Variants in HELZ observed in about 807,000 individuals in gnomAD.
HELZ encodes the protein ATP-dependent RNA helicase with zinc finger domain.
In HELZ, 23 loss-of-function variants were observed where a neutral mutation model predicts 218.2. That is an observed-to-expected ratio of 0.11 (90% CI 0.08 to 0.15). HELZ has a LOEUF of 0.15. HELZ is among the 10% of genes least tolerant of loss of function. HELZ has a pLI of 1.00. For synonymous variants in HELZ, 814 were observed against 829.4 expected, an observed-to-expected ratio of 0.98 and a Z score of 0.32; for missense variants, 1,813 against 2,353.7, an observed-to-expected ratio of 0.77 and a Z score of 4.75.
chr17:67,196,132 G>A (rs528309602), intron 7 of HELZ, among the ~76,000 whole-genome samples: 2 of 152,176 alleles, frequency 1.3e-5, no homozygotes, highest in South Asian at 2.1e-4. Flanking sequence ...AATTATAGGC[G>A]TGAGCCACCA....
chr17:67,136,608 CAGCCTTA>C (rs2038159583), intron 22 of HELZ, among the ~76,000 whole-genome samples: 1 of 152,164 alleles, frequency 6.6e-6, no homozygotes. Flanking sequence ...ATAGATTATT[CAGCCTTA>C]TAAAGGCATG....
chr17:67,220,354 G>A (rs889065671), intron 3 of HELZ, among the ~76,000 whole-genome samples: 4 of 152,202 alleles, frequency 2.6e-5, no homozygotes, highest in African/African-American at 9.6e-5. Context: ...AGTAGAAATA[G>A]CTAGGGAATG....
At chr17:67,138,225 T>TTAAA in intron 21 of HELZ, 111 bp from the exon 22 acceptor site, 2 of 541,522 alleles carry the variant, frequency 3.7e-6, no homozygotes, top group Non-Finnish European at 5.6e-6. Context: ...AGATGTCATT[T>TTAAA]AAAAAAAAAA....
intron 21 of HELZ, among the ~76,000 whole-genome samples, chr17:67,139,892 A>C: frequency 6.6e-6 from 1 of 152,194 alleles, no homozygotes; most frequent in East Asian, 1.9e-4. Context: ...GCCTATGATA[A>C]GCAGTTGGTA....
chr17:67,092,539 G>A (rs533590608), intron 31 of HELZ, among the ~76,000 whole-genome samples: 2 of 152,264 alleles, frequency 1.3e-5, no homozygotes, highest in East Asian at 1.9e-4. Context: ...AAGATAAGGA[G>A]ACAGACAAGC....
Position 67,075,649 on chromosome 17 carries a change from A to C in HELZ, c.*2603T>G, listed in dbSNP as rs183062728. The C allele has an allele frequency of 2.4e-4, 36 of 152,348 alleles. No homozygotes were observed. Among genetic ancestry groups the C allele is most frequent in the African/African-American group, 7.9e-4 (33 of 41,574 alleles). 9.4% of individuals were successfully genotyped at this position (152,348 alleles called of 1,614,324 possible). ...ATGTTATAAGATACTATGCGTAAAG[A>C]GCAGGTTCTTTAAAGCATGGTTGGA... On this transcript the variant is annotated 3_prime_UTR_variant, in exon 33 of 33. Transcript: ENST00000358691.
chr17:67,089,696 G>GAGAGAGAGAGAGAGAC lies in HELZ; in HGVS notation c.5242-2616_5242-2615insGTCTCTCTCTCTCTCT, dbSNP rs34752223. Among the ~76,000 whole-genome samples, 955 of 121,874 alleles carry GAGAGAGAGAGAGAGAC rather than the reference G, an allele frequency of 7.8e-3. 7 individuals carry two copies. Among genetic ancestry groups the GAGAGAGAGAGAGAGAC allele is most frequent in the East Asian group, 0.013 (53 of 4,168 alleles). The allele number at this position is 121,874 out of a possible 152,430, so 80.0% of individuals were successfully genotyped here. On this transcript the variant is annotated intron_variant, in intron 31 of 32. Transcript: ENST00000358691. Reference sequence around the variant, plus strand: ...AGAGAGAGAGAGAGAGAGAGAGAGAGAGAGACAGAGAGACAGAGAGAGAGA... The same window carrying GAGAGAGAGAGAGAGAC: ...AGAGAGAGAGAGAGAGAGAGAGAGAGAGAGAGAGAGAGAGACAGAGACAGAGAGACAGAGAGAGAGA...
chr17:67,163,036 T>A (rs144184544), intron 15 of HELZ, among the ~76,000 whole-genome samples: 10 of 152,326 alleles, frequency 6.6e-5, no homozygotes, highest in Non-Finnish European at 1.3e-4. Flanking sequence ...TGTGATTCTA[T>A]GATACCTGCC....
At chr17:67,087,132 T>C (rs1289367421) in intron 31 of HELZ, 51 bp from the exon 32 acceptor site, 1 of 1,569,190 alleles carries the variant, frequency 6.4e-7, no homozygotes. Context: ...TGTGCCATAG[T>C]CCTCTCTCTT....
intron 28 of HELZ, among the ~76,000 whole-genome samples, chr17:67,112,460 CACCACTTCCCAAACACGT>C (rs1299064972): frequency 6.6e-6 from 1 of 152,192 alleles, no homozygotes; most frequent in African/African-American, 2.4e-5. Context: ...TCTCTCTCTG[CACCACTTCCCAAACACGT>C]ACCACTTCAG....
Position 67,188,520 on chromosome 17 carries a change from C to G in HELZ, c.961G>C (p.Val321Leu), listed in dbSNP as rs751482604. Residue 321 changes from valine (V) to leucine (L), a missense_variant, in exon 12 of 33, where the codon GTA becomes CTA. Physicochemically the swap from Val to Leu is conservative, Grantham distance 32. Coordinates refer to ENST00000358691, the MANE Select transcript of HELZ (RefSeq NM_014877.4). The surrounding 1 kb of genome is among the most constrained non-coding windows in gnomAD (Gnocchi z 4.1). ...CAGTTTTCTGGGACTTCTTGTGATA[C>G]CTGGGTAGTACTATCTCCGGCAGAT... ...AISAGDSTTQ[V>L]SQEVPENCQE... 6.2e-7 allele frequency: 1 copy of G among 1,613,866 alleles called. No homozygotes were observed. The highest frequency in any genetic ancestry group is 8.5e-7 in the Non-Finnish European group (1 of 1,179,810).
At chr17:67,234,495 C>T (rs1180806981) in intron 3 of HELZ, among the ~76,000 whole-genome samples, 1 of 151,754 alleles carries the variant, frequency 6.6e-6, no homozygotes, top group African/African-American at 2.4e-5. Context: ...ACTAAAGGCC[C>T]TGTCTCTCAG....
chr17:67,212,791 A>C (rs1355558109), intron 5 of HELZ, among the ~76,000 whole-genome samples: 5 of 152,174 alleles, frequency 3.3e-5, no homozygotes, highest in African/African-American at 1.2e-4. Context: ...ACTGCAATGA[A>C]CACCACTCTG....
rs1334890784 is a variant in HELZ, at chr17:67,086,936, AAAG to A, written c.5384_5386del (p.Ser1795del). ...CCAGGACTCCGGGGATGAAAAGTTG[AAAG>A]AAGATTGGTTACTGTGGTCCTGAAG... On this transcript the variant is annotated inframe_deletion, in exon 32 of 33. Coordinates refer to ENST00000358691, the MANE Select transcript of HELZ (RefSeq NM_014877.4). 3.7e-6 allele frequency: 6 copies of A among 1,613,718 alleles called. No homozygotes were observed. The highest frequency in any genetic ancestry group is 1.1e-5 in the South Asian group (1 of 91,080).
chr17:67,072,374 G>A lies in HELZ; in HGVS notation c.*5878C>T, dbSNP rs1425799052. On this transcript the variant is annotated 3_prime_UTR_variant, in exon 33 of 33. Transcript: ENST00000358691. ...CAAAACTATTATTTTATTATTTAAGGATTATCTGTGGTTTTCGATGCTCCA... is the reference window on the plus strand; with the variant it reads ...CAAAACTATTATTTTATTATTTAAGAATTATCTGTGGTTTTCGATGCTCCA... 6.6e-6 allele frequency: 1 copy of A among 152,630 alleles called. No individual in the cohort carries two copies. The highest frequency in any genetic ancestry group is 1.5e-5 in the Non-Finnish European group (1 of 68,060). 9.5% of individuals were successfully genotyped at this position (152,630 alleles called of 1,614,324 possible).
chr17:67,203,670 A>G (rs8072271), intron 5 of HELZ, among the ~76,000 whole-genome samples: 12,161 of 152,222 alleles, frequency 0.08, 1,602 homozygotes, highest in African/African-American at 0.27. Context: ...AGTTGAGATC[A>G]AAATCACAGG....
intron 32 of HELZ, among the ~76,000 whole-genome samples, chr17:67,082,865 T>C (rs540696320): frequency 6.7e-6 from 1 of 149,106 alleles, no homozygotes; most frequent in Non-Finnish European, 1.5e-5. Context: ...TTTTTGTTTT[T>C]TTTTTTTTTG....
intron 12 of HELZ, among the ~76,000 whole-genome samples, chr17:67,184,913 C>A (rs1195911050): frequency 1.3e-5 from 2 of 152,092 alleles, no homozygotes; most frequent in African/African-American, 4.8e-5. Context: ...TATGCAAAAA[C>A]CAAATTATAT....
At chr17:67,139,991 T>C (rs1234255510) in intron 21 of HELZ, among the ~76,000 whole-genome samples, 2 of 152,214 alleles carry the variant, frequency 1.3e-5, no homozygotes, top group South Asian at 2.1e-4. Context: ...CACATAGCTC[T>C]GCATTGCAGG....
Sources: gnomAD v4.1 joint callset for allele counts (sites outside exome capture counted in the v4.1 genomes callset) on GRCh38, gnomAD v4.1.1 for gene constraint, Gnocchi (gnomAD v3.1) non-coding constraint, MANE v1.5 for transcripts, NCBI Gene and HGNC (gene_info 2026-07-23, HGNC 2026-07-21) for gene names.